EML6: variants seen among roughly 807,000 people sequenced by gnomAD.
The protein encoded by EML6 is EMAP like 6, also known as echinoderm microtubule-associated protein-like 6.
EML6 carries 154 observed loss-of-function variants against 240.1 expected under a neutral mutation model. The ratio of observed to expected loss-of-function variants is 0.64; its 90% CI spans 0.56 to 0.73. EML6 has a LOEUF of 0.73. Among genes scored for constraint, EML6 ranks in the 30% least tolerant of loss-of-function variants. The probability of loss-of-function intolerance (pLI) is 0.00; values close to 1 mark genes in which losing one functional copy is unlikely to be tolerated. For missense variants in EML6, 2,964 were observed against 2,474.6 expected, an observed-to-expected ratio of 1.20 and a Z score of -4.20; for synonymous variants, 1,148 against 899.0, an observed-to-expected ratio of 1.28 and a Z score of -4.95.
At chr2:54,726,369 A>G (rs1682908027) in intron 2 of EML6, among the ~76,000 whole-genome samples, 1 of 152,200 alleles carries the variant, frequency 6.6e-6, no homozygotes, top group Non-Finnish European at 1.5e-5. Context: ...CCATGCTCCT[A>G]ATTTCTCAGT....
chr2:54,919,530 C>CA (rs1490867657), intron 26 of EML6, among the ~76,000 whole-genome samples: 10 of 152,156 alleles, frequency 6.6e-5, no homozygotes, highest in African/African-American at 2.2e-4. Flanking sequence ...TTGCCCATCC[C>CA]AAAGCCGCCT....
Position 54,928,438 on chromosome 2 carries a change from C to T in EML6, c.3801C>T (p.Thr1267=). 1 of 1,551,044 alleles carries T rather than the reference C, an allele frequency of 6.4e-7. No homozygotes were observed. The highest frequency in any genetic ancestry group is 2.4e-5 in the East Asian group (1 of 40,904). Residue 1267 remains threonine, a synonymous_variant, in exon 27 of 42, where the codon ACC becomes ACT. Coordinates refer to ENST00000356458, the MANE Select transcript of EML6 (RefSeq NM_001039753.4). ...CCGACACAGCCCTGATGATCTGGAC[C>T]AGGGAGTTTGTGGGGACCCAGGAGA... ...GGADTALMIW[T]REFVGTQESK... is the part of the protein sequence containing the mutation.
chr2:54,834,874 C>T (rs1365327286), intron 7 of EML6, among the ~76,000 whole-genome samples: 1 of 152,204 alleles, frequency 6.6e-6, no homozygotes, highest in African/African-American at 2.4e-5. Flanking sequence ...CTGCTTCGAC[C>T]ACCATCCTCT....
At chr2:54,943,312 T>G (rs1390219443) in intron 28 of EML6, among the ~76,000 whole-genome samples, 1 of 152,156 alleles carries the variant, frequency 6.6e-6, no homozygotes, top group African/African-American at 2.4e-5. Context: ...ACCTGGTGCT[T>G]GGCCCCGGCC....
intron 38 of EML6, 89 bp downstream of exon 38, chr2:54,964,822 C>A: frequency 8.1e-7 from 1 of 1,239,350 alleles, no homozygotes; most frequent in Non-Finnish European, 1.1e-6. Context: ...TTACTGTGTA[C>A]CAGGCAATGT....
At chr2:54,967,841 C>G (rs753016482) in intron 39 of EML6, among the ~76,000 whole-genome samples, 18 of 152,164 alleles carry the variant, frequency 1.2e-4, no homozygotes, top group Non-Finnish European at 2.6e-4. Context: ...CTAGATCCCT[C>G]GCATGCTTAG....
intron 17 of EML6, among the ~76,000 whole-genome samples, chr2:54,884,900 A>G (rs1041400636): frequency 6.6e-6 from 1 of 152,178 alleles, no homozygotes; most frequent in African/African-American, 2.4e-5. Flanking sequence ...TGGGCTGGGC[A>G]TGGGGGCTCA....
intron 28 of EML6, among the ~76,000 whole-genome samples, chr2:54,944,006 C>G (rs1424105304): frequency 6.6e-6 from 1 of 152,116 alleles, no homozygotes; most frequent in Non-Finnish European, 1.5e-5. Flanking sequence ...TCTGGTGCCT[C>G]CCTCTCTCTT....
rs1328421627 is a variant in EML6, at chr2:54,870,810, CCT to C, written c.2239-687_2239-686del. Among the ~76,000 whole-genome samples the C allele has an allele frequency of 2.6e-5, 4 of 152,286 alleles. No individual in the cohort carries two copies. In the East Asian group the frequency reaches 7.7e-4, roughly 29 times the overall value. ...CTGCAGGAGACTGGGCCTCCACAGA[CCT>C]CTGTAGGAGTGGCCTGGATTCTGCT... is the stretch of plus-strand genomic sequence containing the variant. On this transcript the variant is annotated intron_variant, in intron 15 of 41. Transcript: ENST00000356458.
intron 25 of EML6, among the ~76,000 whole-genome samples, chr2:54,915,590 C>T (rs1445850257): frequency 6.6e-6 from 1 of 152,072 alleles, no homozygotes; most frequent in Admixed American, 6.6e-5. Flanking sequence ...ATTTTTGTTT[C>T]CACCTCTGTG....
intron 37 of EML6, 26 bp from the exon 38 acceptor site, chr2:54,964,545 C>T: frequency 6.4e-7 from 1 of 1,551,122 alleles, no homozygotes; most frequent in Non-Finnish European, 8.7e-7. Context: ...TCCTCATGGA[C>T]TCTGCTCTCG....
chr2:54,916,771 G>C lies in EML6; in HGVS notation c.3511G>C (p.Glu1171Gln). 1 of 1,517,806 alleles carries C rather than the reference G, an allele frequency of 6.6e-7. No homozygotes were observed. Among genetic ancestry groups the C allele is most frequent in the Non-Finnish European group, 8.9e-7 (1 of 1,121,812 alleles). 94.0% of individuals were successfully genotyped at this position (1,517,806 alleles called of 1,614,324 possible). A position where few individuals can be genotyped will look rare whatever the true frequency, so the allele number is the denominator to read the frequency against. The change falls in exon 26 of 42, where the codon GAG becomes CAG. Residue 1171 changes from glutamate (E) to glutamine (Q), a missense_variant. Coordinates refer to ENST00000356458, the MANE Select transcript of EML6 (RefSeq NM_001039753.4). ...CGTTCTTTTTCAGATCGAGAAGATA[G>C]AGTGGGACACATGGACCTGTGTCCT... ...IIRPSEIEKI[E>Q]WDTWTCVLGP...
chr2:54,905,395 ACGTGAAATCCCACCACT>A (rs1328210012), intron 24 of EML6, among the ~76,000 whole-genome samples: 12 of 150,010 alleles, frequency 8.0e-5, no homozygotes, highest in African/African-American at 2.7e-4. Context: ...CTGATACAAT[ACGTGAAATCCCACCACT>A]CAATGACTAT....
At chr2:54,941,767 G>C (rs1054562923) in intron 28 of EML6, among the ~76,000 whole-genome samples, 1 of 152,252 alleles carries the variant, frequency 6.6e-6, no homozygotes, top group Non-Finnish European at 1.5e-5. Context: ...CACACGCGTA[G>C]TGCACGCAGG....
intron 2 of EML6, among the ~76,000 whole-genome samples, chr2:54,732,447 A>G (rs1393448556): frequency 1.3e-5 from 2 of 152,032 alleles, no homozygotes; most frequent in Admixed American, 6.5e-5. Context: ...TAGGTAGATG[A>G]TCTGTTTTGA....
Position 54,894,991 on chromosome 2 carries a change from C to T in EML6, c.2819C>T (p.Ala940Val), listed in dbSNP as rs567950989. ...TTTGAAAGATGTTTGAAGACTTATG[C>T]CATTAAAAGATCAGCATTGTCGACT... ...DMFERCLKTY[A>V]IKRSALSTSS... The change falls in exon 20 of 42, where the codon GCC becomes GTC. Residue 940 changes from alanine to valine, a missense_variant. Transcript: ENST00000356458. 39 of 1,551,320 alleles carry T rather than the reference C, an allele frequency of 2.5e-5. No individual in the cohort carries two copies. In the African/African-American group the frequency reaches 4.6e-4, roughly 18 times the overall value.
intron 16 of EML6, among the ~76,000 whole-genome samples, chr2:54,876,506 C>G (rs961656729): frequency 9.9e-5 from 15 of 152,112 alleles, no homozygotes; most frequent in Non-Finnish European, 1.9e-4. Context: ...ACCTCTTACC[C>G]CGGCAAAATC....
At position 54,871,362 on chromosome 2, in the gene EML6, G is replaced by A. The variant is rs191972826; in HGVS notation, c.2239-138G>A. On this transcript the variant is annotated intron_variant, in intron 15 of 41. Coordinates refer to ENST00000356458, the MANE Select transcript of EML6 (RefSeq NM_001039753.4). ...TCCTCATCTCAAAAATAACTGAATT[G>A]TAGCAGATGATTTCCTAGGGTCCTT... is the stretch of plus-strand genomic sequence containing the variant. 1.1e-4 allele frequency: 73 copies of A among 660,294 alleles called. 1 individual carries two copies. The East Asian group carries it at 2.0e-3, about 18-fold the overall frequency. 40.9% of individuals were successfully genotyped at this position (660,294 alleles called of 1,614,324 possible). A position where few individuals can be genotyped will look rare whatever the true frequency, so the allele number is the denominator to read the frequency against.
chr2:54,760,695 C>A (rs750013889), intron 2 of EML6, among the ~76,000 whole-genome samples: 34 of 152,252 alleles, frequency 2.2e-4, no homozygotes, highest in South Asian at 1.5e-3. Flanking sequence ...AAGTTTCTAT[C>A]TTTCCCTTAT....
Sources: gnomAD v4.1 joint callset for allele counts (sites outside exome capture counted in the v4.1 genomes callset) on GRCh38, gnomAD v4.1.1 for gene constraint, MANE v1.5 for transcripts, NCBI Gene and HGNC (gene_info 2026-07-23, HGNC 2026-07-21) for gene names.